Variants in PARVA observed in about 807,000 individuals in gnomAD.
PARVA encodes the protein parvin alpha.
PARVA carries 25 observed loss-of-function variants against 52.6 expected under a neutral mutation model. The ratio of observed to expected loss-of-function variants is 0.48; its 90% CI spans 0.35 to 0.66. The LOEUF (loss-of-function observed/expected upper bound fraction) is 0.66, where lower values mean the gene tolerates loss of function less well. Ranked by LOEUF, PARVA falls within the 30% of genes least tolerant of loss-of-function variation. The probability of loss-of-function intolerance (pLI) is 0.01; values close to 1 mark genes in which losing one functional copy is unlikely to be tolerated. For synonymous variants in PARVA, 185 were observed against 179.1 expected, an observed-to-expected ratio of 1.03 and a Z score of -0.26; for missense variants, 373 against 450.9, an observed-to-expected ratio of 0.83 and a Z score of 1.56.
chr11:12,377,243 A>C, upstream of PARVA: 2 of 378,132 alleles, frequency 5.3e-6, no homozygotes, highest in Non-Finnish European at 9.2e-6. Context: ...AGACCCCGGG[A>C]GAGTAGCAGG....
chr11:12,499,781 C>T (rs900360899), intron 5 of PARVA, among the ~76,000 whole-genome samples: 6 of 151,642 alleles, frequency 4.0e-5, no homozygotes, highest in Non-Finnish European at 7.4e-5. Context: ...TGTGTCTGTA[C>T]GTGTGTAATA....
intron 4 of PARVA, among the ~76,000 whole-genome samples, chr11:12,483,328 A>G (rs1306333440): frequency 1.3e-5 from 2 of 152,214 alleles, no homozygotes. Context: ...GGAAGCTTAT[A>G]TAGAAGGTGA....
intron 1 of PARVA, among the ~76,000 whole-genome samples, chr11:12,378,371 A>G (rs73409484): frequency 0.025 from 3,816 of 152,196 alleles, 139 homozygotes; most frequent in African/African-American, 0.086. Context: ...GAGTAGGTGG[A>G]CATCGAGTGT....
chr11:12,383,969 A>G (rs1939532978), intron 1 of PARVA, among the ~76,000 whole-genome samples: 1 of 152,118 alleles, frequency 6.6e-6, no homozygotes, highest in Non-Finnish European at 1.5e-5. Context: ...GAAAATTGAG[A>G]CCAGCTATGA....
chr11:12,502,504 C>T (rs1345802789), intron 5 of PARVA, among the ~76,000 whole-genome samples: 1 of 151,646 alleles, frequency 6.6e-6, no homozygotes, highest in Admixed American at 6.6e-5. Context: ...GATGAATCTT[C>T]CCTTTGATGA....
chr11:12,453,878 G>A (rs1354259961), intron 1 of PARVA, among the ~76,000 whole-genome samples: 2 of 152,188 alleles, frequency 1.3e-5, no homozygotes, highest in Non-Finnish European at 2.9e-5. Flanking sequence ...TGGCCATGGT[G>A]AGCGAGCCCT....
chr11:12,533,200 A>G lies in PARVA; in HGVS notation c.*5275A>G, dbSNP rs1175892979. 1.3e-5 allele frequency among the ~76,000 whole-genome samples: 2 copies of G among 152,156 alleles called. No homozygotes were observed. The highest frequency in any genetic ancestry group is 4.8e-5 in the African/African-American group (2 of 41,430). ...GAGCTAGGGGAACTGGACAGAGTGG[A>G]CGAGGCTGCATGTGTGGAGGGAATG... On this transcript the variant is annotated 3_prime_UTR_variant, in exon 13 of 13. Coordinates refer to ENST00000334956, the MANE Select transcript of PARVA (RefSeq NM_018222.5).
At chr11:12,498,522 TGTTACTA>T (rs1941326714) in intron 5 of PARVA, among the ~76,000 whole-genome samples, 1 of 152,210 alleles carries the variant, frequency 6.6e-6, no homozygotes, top group African/African-American at 2.4e-5. Context: ...CTGTTTCATT[TGTTACTA>T]GTTACATCAC....
intron 7 of PARVA, among the ~76,000 whole-genome samples, chr11:12,510,922 G>A (rs567816880): frequency 6.6e-6 from 1 of 152,282 alleles, no homozygotes; most frequent in East Asian, 1.9e-4. Context: ...AAACCTCAAT[G>A]ATGTGTCTTT....
At chr11:12,508,150 T>C (rs1300594015) in intron 6 of PARVA, among the ~76,000 whole-genome samples, 1 of 149,266 alleles carries the variant, frequency 6.7e-6, no homozygotes, top group Non-Finnish European at 1.5e-5. Context: ...CTGCCTCTTG[T>C]CTGAATTCCT....
At chr11:12,453,979 G>T (rs556447759) in intron 1 of PARVA, among the ~76,000 whole-genome samples, 1 of 152,104 alleles carries the variant, frequency 6.6e-6, no homozygotes, top group African/African-American at 2.4e-5. Flanking sequence ...CCTTCCTAAC[G>T]GATGAATGTA....
intron 3 of PARVA, among the ~76,000 whole-genome samples, chr11:12,476,600 C>T (rs191464130): frequency 1.3e-5 from 2 of 152,220 alleles, no homozygotes; most frequent in Admixed American, 1.3e-4. Flanking sequence ...CTTCTCTACT[C>T]TCTCATAGCA....
intron 1 of PARVA, among the ~76,000 whole-genome samples, chr11:12,457,089 C>G (rs1940707499): frequency 6.6e-6 from 1 of 152,144 alleles, no homozygotes; most frequent in Admixed American, 6.5e-5. Flanking sequence ...TGGAATGAGG[C>G]TCTCATCACA....
intron 1 of PARVA, among the ~76,000 whole-genome samples, chr11:12,386,388 A>G (rs1213852776): frequency 6.6e-6 from 1 of 152,164 alleles, no homozygotes; most frequent in Non-Finnish European, 1.5e-5. Flanking sequence ...TTCCTATACA[A>G]CCAACTTCTG....
At chr11:12,502,805 ATT>A (rs34251505) in intron 5 of PARVA, among the ~76,000 whole-genome samples, 8 of 148,404 alleles carry the variant, frequency 5.4e-5, no homozygotes, top group East Asian at 4.0e-4. Context: ...AACTATTTTC[ATT>A]TTTTTTTTTT....
rs796285052 is a variant in PARVA at position 12,476,498 on chromosome 11, G to GA, written c.298-1337dup. On this transcript the variant is annotated intron_variant, in intron 3 of 12. Transcript: ENST00000334956. Reference sequence around the variant, plus strand: ...ACATAGCAAGACCCTGCCTCAAAAGGAAAAAAAAAAAAGTCTCCTCAAACA... The same window carrying GA: ...ACATAGCAAGACCCTGCCTCAAAAGGAAAAAAAAAAAAAGTCTCCTCAAACA... 2.6e-3 allele frequency among the ~76,000 whole-genome samples: 368 copies of GA among 143,088 alleles called. 1 individual carries two copies. Among genetic ancestry groups the GA allele is most frequent in the African/African-American group, 7.6e-3 (298 of 39,246 alleles). 93.9% of individuals were successfully genotyped at this position (143,088 alleles called of 152,430 possible). A position where few individuals can be genotyped will look rare whatever the true frequency, so the allele number is the denominator to read the frequency against.
In PARVA at chr11:12,448,860, A is replaced by G. The variant is rs940451641; in HGVS notation, c.137-24885A>G. Among the ~76,000 whole-genome samples, 10 of 152,240 alleles carry G rather than the reference A, an allele frequency of 6.6e-5. No individual in the cohort carries two copies. In the East Asian group the frequency reaches 9.7e-4, roughly 15 times the overall value. ...AGAGATATCAGCAGACGTTGCTCCA[A>G]TGTTCTCCAAGTTCTTCAGGGATGA... On this transcript the variant is annotated intron_variant, in intron 1 of 12. Transcript: ENST00000334956.
chr11:12,526,466 A>T (rs1941702742), intron 12 of PARVA, among the ~76,000 whole-genome samples: 1 of 152,138 alleles, frequency 6.6e-6, no homozygotes, highest in South Asian at 2.1e-4. Flanking sequence ...TTGTTTTTTA[A>T]TCATTTTTAT....
intron 4 of PARVA, among the ~76,000 whole-genome samples, chr11:12,486,483 A>G (rs112288314): frequency 9.2e-5 from 14 of 152,082 alleles, no homozygotes; most frequent in Admixed American, 9.2e-4. Context: ...CAGTGAGCCG[A>G]GATCACATCA....
Sources: allele counts gnomAD v4.1 joint callset (sites outside exome capture counted in the v4.1 genomes callset), GRCh38; gene constraint gnomAD v4.1.1; transcripts MANE v1.5; gene names NCBI Gene and HGNC (gene_info 2026-07-23, HGNC 2026-07-21).